The following CTNNA1 variants were observed in gnomAD, a reference collection of about 807,000 sequenced individuals.
CTNNA1 encodes the protein catenin alpha-1.
A neutral mutation model predicts 98.4 loss-of-function variants in CTNNA1; 37 were observed. That is an observed-to-expected ratio of 0.38 (90% confidence interval 0.29 to 0.49). CTNNA1 has a LOEUF of 0.49. CTNNA1 is among the 20% of genes least tolerant of loss of function. The pLI is 0.95. For synonymous variants in CTNNA1, 404 were observed against 413.2 expected (o/e 0.98, Z 0.27); for missense variants, 761 against 1,147.2 (o/e 0.66, Z 4.86).
intron 7 of CTNNA1, among the ~76,000 whole-genome samples, chr5:138,841,213 T>C (rs1762235005): frequency 6.6e-6 from 1 of 152,208 alleles, no homozygotes; most frequent in African/African-American, 2.4e-5. Flanking sequence ...AGCAACTCAA[T>C]GGCTTGCTTA....
rs1017370799 is a variant in CTNNA1 at position 138,934,277 on chromosome 5, C to T, written c.*188C>T. ...GTTGATTAAAAATGCTTTTAGAATGCAGGAGCCTACTTCTAGCTGTATTTT... is the reference window on the plus strand; with the variant it reads ...GTTGATTAAAAATGCTTTTAGAATGTAGGAGCCTACTTCTAGCTGTATTTT... On this transcript the variant is annotated 3_prime_UTR_variant, in exon 18 of 18. Transcript: ENST00000302763. The T allele has an allele frequency of 5.3e-6, 3 of 564,608 alleles. No individual in the cohort carries two copies. Among genetic ancestry groups the T allele is most frequent in the Non-Finnish European group, 9.3e-6 (3 of 322,324 alleles). 35.0% of individuals were successfully genotyped at this position (564,608 alleles called of 1,614,324 possible). A position where few individuals can be genotyped will look rare whatever the true frequency, so the allele number is the denominator to read the frequency against.
intron 7 of CTNNA1, among the ~76,000 whole-genome samples, chr5:138,852,871 G>GCGCACACACACACGCGCGCGCACA (rs869240008): frequency 3.0e-4 from 45 of 151,358 alleles, no homozygotes; most frequent in South Asian, 1.5e-3. Context: ...GCGCGCGCGC[G>GCGCACACACACACGCGCGCGCACA]CACACACACA....
At chr5:138,837,512 C>T (rs1280260282) in intron 7 of CTNNA1, among the ~76,000 whole-genome samples, 15 of 109,102 alleles carry the variant, frequency 1.4e-4, no homozygotes, top group Admixed American at 4.8e-4. Context: ...CCTCCCCCTC[C>T]TCCCTCCCCT....
chr5:138,894,111 G>C (rs1581536673), intron 9 of CTNNA1, among the ~76,000 whole-genome samples: 1 of 151,700 alleles, frequency 6.6e-6, no homozygotes, highest in East Asian at 1.9e-4. Flanking sequence ...TAGAGATGGG[G>C]TTTTGCCATG....
chr5:138,826,392 T>C (rs1435189140), intron 6 of CTNNA1, among the ~76,000 whole-genome samples: 2 of 152,210 alleles, frequency 1.3e-5, no homozygotes, highest in African/African-American at 2.4e-5. Flanking sequence ...GGATAAATTA[T>C]ATCAAGTGGA....
At chr5:138,925,546 A>G in intron 13 of CTNNA1, 139 bp downstream of exon 13, 1 of 1,258,454 alleles carries the variant, frequency 7.9e-7, no homozygotes, top group Non-Finnish European at 1.1e-6. Context: ...AGAATGAGAT[A>G]TATTTAATTA....
intron 7 of CTNNA1, among the ~76,000 whole-genome samples, chr5:138,885,615 TTCTGTGCAATA>T (rs1753862921): frequency 6.6e-6 from 1 of 152,218 alleles, no homozygotes. Flanking sequence ...GCGGGTTCTT[TTCTGTGCAATA>T]TAACTGCATT....
At chr5:138,764,982 T>C (rs958600513) in intron 1 of CTNNA1, among the ~76,000 whole-genome samples, 1 of 151,624 alleles carries the variant, frequency 6.6e-6, no homozygotes, top group Non-Finnish European at 1.5e-5. Flanking sequence ...CTAGCGATTC[T>C]TCTGCCTCAG....
Position 138,874,128 on chromosome 5 carries a change from G to A in CTNNA1, c.1063-12084G>A. The A allele has an allele frequency of 6.2e-7, 1 of 1,613,714 alleles. No homozygotes were observed. On this transcript the variant is annotated intron_variant, in intron 7 of 17. Coordinates refer to ENST00000302763, the MANE Select transcript of CTNNA1 (RefSeq NM_001903.5). This position sits in a 1 kb window ranked among gnomAD's most constrained non-coding sequence, Gnocchi z 4.1. ...AAGAGCTCTGGGTGCAGAGATGACAGCTGATTAAAAGACAGGTCCAAATTT... is the reference window on the plus strand; with the variant it reads ...AAGAGCTCTGGGTGCAGAGATGACAACTGATTAAAAGACAGGTCCAAATTT...
intron 9 of CTNNA1, among the ~76,000 whole-genome samples, chr5:138,888,471 C>T (rs1754584795): frequency 6.6e-6 from 1 of 152,090 alleles, no homozygotes; most frequent in African/African-American, 2.4e-5. Flanking sequence ...TGTGTAAAAA[C>T]AGAAAACGGG....
chr5:138,914,641 G>A (rs773873592), intron 10 of CTNNA1, among the ~76,000 whole-genome samples: 1 of 151,826 alleles, frequency 6.6e-6, no homozygotes, highest in African/African-American at 2.4e-5. Flanking sequence ...GGCCTGAGTC[G>A]TCTTTAGTCT....
chr5:138,785,645 C>T (rs2149663745), intron 3 of CTNNA1, among the ~76,000 whole-genome samples: 1 of 152,290 alleles, frequency 6.6e-6, no homozygotes, highest in African/African-American at 2.4e-5. Context: ...ACCGCAACCT[C>T]CACCTCCTGG....
intron 10 of CTNNA1, among the ~76,000 whole-genome samples, chr5:138,910,747 G>A (rs1303277461): frequency 6.6e-6 from 1 of 152,162 alleles, no homozygotes; most frequent in Non-Finnish European, 1.5e-5. Flanking sequence ...AACCACGGAG[G>A]ATGTCTCAGG....
intron 7 of CTNNA1, among the ~76,000 whole-genome samples, chr5:138,856,508 AT>A (rs1763743177): frequency 6.6e-6 from 1 of 152,100 alleles, no homozygotes; most frequent in East Asian, 1.9e-4. Flanking sequence ...CACTCGGCTA[AT>A]TTTTAAATTC....
intron 7 of CTNNA1, chr5:138,875,485 T>C (rs1201555840): frequency 2.0e-6 from 2 of 985,364 alleles, no homozygotes; most frequent in Middle Eastern, 5.2e-4. Context: ...ACCCCCTGAT[T>C]ACAATAAAGC....
intron 13 of CTNNA1, among the ~76,000 whole-genome samples, chr5:138,928,197 A>G (rs1469161872): frequency 2.0e-5 from 3 of 152,056 alleles, no homozygotes; most frequent in African/African-American, 4.8e-5. Flanking sequence ...CGCCAACCCC[A>G]GCTGTTCTGC....
At chr5:138,831,286 T>G (rs1761253692) in intron 7 of CTNNA1, among the ~76,000 whole-genome samples, 1 of 152,242 alleles carries the variant, frequency 6.6e-6, no homozygotes, top group Admixed American at 6.5e-5. Context: ...AACTTTGATG[T>G]TTCAGGTGTA....
At chr5:138,867,074 G>A (rs1764852735) in intron 7 of CTNNA1, among the ~76,000 whole-genome samples, 1 of 152,210 alleles carries the variant, frequency 6.6e-6, no homozygotes, top group Non-Finnish European at 1.5e-5. Context: ...AAATTAAAAT[G>A]TAGGAGAATT....
chr5:138,819,087 T>C (rs1247732299), intron 5 of CTNNA1, among the ~76,000 whole-genome samples: 1 of 151,962 alleles, frequency 6.6e-6, no homozygotes, highest in Non-Finnish European at 1.5e-5. Context: ...GAAGGGGTGC[T>C]CTGGAGGTTT....
Sources: gnomAD v4.1 joint callset for allele counts (sites outside exome capture counted in the v4.1 genomes callset) on GRCh38, gnomAD v4.1.1 for gene constraint, Gnocchi (gnomAD v3.1) non-coding constraint, MANE v1.5 for transcripts, NCBI Gene and HGNC (gene_info 2026-07-23, HGNC 2026-07-21) for gene names.